Variants in MYZAP observed in about 807,000 individuals in gnomAD.
The protein encoded by MYZAP is myocardial zonula adherens protein, also known as GRINL1A complex locus upstream.
A neutral mutation model predicts 69.4 loss-of-function variants in MYZAP; 66 were observed. The ratio of observed to expected loss-of-function variants is 0.95; its 90% CI spans 0.78 to 1.17. The LOEUF (loss-of-function observed/expected upper bound fraction) is 1.17, where lower values mean the gene tolerates loss of function less well. Among genes scored for constraint, MYZAP ranks in the 50% most tolerant of loss-of-function variants. The pLI is 0.00. For synonymous variants in MYZAP, 256 were observed against 205.9 expected (o/e 1.24, Z -2.09); for missense variants, 611 against 556.2 (o/e 1.10, Z -0.99).
At chr15:57,608,793 G>A (rs1188263025) in intron 2 of MYZAP, among the ~76,000 whole-genome samples, 1 of 152,172 alleles carries the variant, frequency 6.6e-6, no homozygotes, top group Non-Finnish European at 1.5e-5. Flanking sequence ...TTATTCTCCT[G>A]CCTGAAGCTG....
At chr15:57,627,656 C>G (rs928542179) in intron 5 of MYZAP, among the ~76,000 whole-genome samples, 2 of 152,118 alleles carry the variant, frequency 1.3e-5, no homozygotes, top group Non-Finnish European at 2.9e-5. Flanking sequence ...TGGTTTGATT[C>G]CATAGAATGT....
intron 10 of MYZAP, 118 bp downstream of exon 10, chr15:57,639,663 C>T: frequency 2.7e-6 from 3 of 1,117,348 alleles, no homozygotes; most frequent in Non-Finnish European, 3.9e-6. Context: ...GGTGCTCAGG[C>T]CACTGCCATC....
intron 1 of MYZAP, among the ~76,000 whole-genome samples, chr15:57,596,500 T>C (rs2034067238): frequency 6.6e-6 from 1 of 152,164 alleles, no homozygotes; most frequent in African/African-American, 2.4e-5. Flanking sequence ...AGCAATACAG[T>C]GGTGTTTACC....
At chr15:57,622,201 A>G (rs1416598694) in intron 4 of MYZAP, among the ~76,000 whole-genome samples, 2 of 152,148 alleles carry the variant, frequency 1.3e-5, no homozygotes, top group Non-Finnish European at 2.9e-5. Flanking sequence ...AAATTAATAT[A>G]TAATATACAA....
intron 2 of MYZAP, among the ~76,000 whole-genome samples, chr15:57,606,295 C>T (rs2140341259): frequency 6.6e-6 from 1 of 152,242 alleles, no homozygotes; most frequent in East Asian, 1.9e-4. Flanking sequence ...AAGAGGTGCA[C>T]ATCACATATG....
At chr15:57,683,366 G>A (rs2039533592) in intron 12 of MYZAP, among the ~76,000 whole-genome samples, 1 of 152,170 alleles carries the variant, frequency 6.6e-6, no homozygotes. Flanking sequence ...GTGGAGAAGG[G>A]GCAGAGTAGG....
intron 10 of MYZAP, chr15:57,647,360 C>A: frequency 1.0e-6 from 1 of 985,432 alleles, no homozygotes; most frequent in Non-Finnish European, 1.2e-6. Context: ...ATTTGAGAAT[C>A]TCATCTGGAT....
intron 2 of MYZAP, among the ~76,000 whole-genome samples, chr15:57,606,664 C>G (rs978989669): frequency 2.0e-5 from 3 of 151,922 alleles, no homozygotes; most frequent in African/African-American, 4.8e-5. Flanking sequence ...ACCAGCATGG[C>G]ACATGTATAC....
chr15:57,648,761 G>A (rs2140498245), intron 10 of MYZAP, among the ~76,000 whole-genome samples: 1 of 147,864 alleles, frequency 6.8e-6, no homozygotes. Flanking sequence ...AACAAATGTT[G>A]CCATTTTGGC....
chr15:57,641,408 A>C (rs1377310064), intron 10 of MYZAP, among the ~76,000 whole-genome samples: 1 of 152,166 alleles, frequency 6.6e-6, no homozygotes, highest in Admixed American at 6.5e-5. Flanking sequence ...GTATTTATAC[A>C]TGTGTATACA....
chr15:57,669,322 A>T (rs1160669617), intron 11 of MYZAP, among the ~76,000 whole-genome samples: 1 of 152,086 alleles, frequency 6.6e-6, no homozygotes, highest in African/African-American at 2.4e-5. Flanking sequence ...TCCCCTAAGA[A>T]TTTTATGGTT....
intron 6 of MYZAP, among the ~76,000 whole-genome samples, chr15:57,631,479 G>T (rs1367966033): frequency 8.4e-6 from 1 of 119,090 alleles, no homozygotes; most frequent in South Asian, 2.8e-4. Context: ...AAAAAAAAAA[G>T]CTTCAGGAAC....
chr15:57,674,818 C>T (rs2039035905), intron 11 of MYZAP, 150 bp from the exon 12 acceptor site: 1 of 638,966 alleles, frequency 1.6e-6, no homozygotes, highest in African/African-American at 1.9e-5. Context: ...ATTTCTTCAA[C>T]AACTATTGTG....
intron 8 of MYZAP, among the ~76,000 whole-genome samples, chr15:57,635,452 A>C (rs762642502): frequency 3.9e-5 from 6 of 152,098 alleles, no homozygotes; most frequent in Non-Finnish European, 1.5e-5. Context: ...GTCTTTCCCC[A>C]CTGATTTTCA....
chr15:57,653,223 GA>G (rs1427839528), intron 10 of MYZAP, among the ~76,000 whole-genome samples: 1 of 152,148 alleles, frequency 6.6e-6, no homozygotes, highest in African/African-American at 2.4e-5. Context: ...AAAATGAAAT[GA>G]AAACATTATA....
rs771060878 is a variant in MYZAP, at chr15:57,629,851, G to C, written c.675G>C (p.Met225Ile). Residue 225 changes from methionine to isoleucine, a missense_variant, in exon 6 of 13, where the codon ATG becomes ATC. Transcript: ENST00000267853. The part of the protein sequence containing the change: ...VAQVENQLLK[M>I]KVESSQEANA... ...AAGTTGAAAACCAGCTGCTAAAAAT[G>C]AAGGTGGAGTATAAAAGCCTAGATT... is the stretch of plus-strand genomic sequence containing the variant. The C allele has an allele frequency of 1.9e-6, 3 of 1,613,240 alleles. No homozygotes were observed. The highest frequency in any genetic ancestry group is 3.3e-5 in the Admixed American group (2 of 59,742).
chr15:57,636,818 G>A (rs146305028), intron 8 of MYZAP, among the ~76,000 whole-genome samples: 1 of 152,310 alleles, frequency 6.6e-6, no homozygotes, highest in Non-Finnish European at 1.5e-5. Context: ...GTGCGCGTAT[G>A]TTTCCTATTG....
chr15:57,647,496 TA>T (rs1452232272), intron 10 of MYZAP: 2 of 985,346 alleles, frequency 2.0e-6, no homozygotes, highest in East Asian at 2.3e-4. Flanking sequence ...TGCCAAGTTT[TA>T]AAAAAGGAAA....
rs78354284 is a variant in MYZAP, at chr15:57,617,551, C to T, written c.163-482C>T. ...AACAGGTTATGTACTAACACTACCCCCTTTTCTTAGAACTTGGCCCCAGGA... is the reference window on the plus strand; with the variant it reads ...AACAGGTTATGTACTAACACTACCCTCTTTTCTTAGAACTTGGCCCCAGGA... On this transcript the variant is annotated intron_variant, in intron 2 of 12. Transcript: ENST00000267853. 1.7e-4 allele frequency among the ~76,000 whole-genome samples: 26 copies of T among 152,206 alleles called. No homozygotes were observed. The South Asian group carries it at 5.4e-3, about 32-fold the overall frequency.
Sources: gnomAD v4.1 joint callset for allele counts (sites outside exome capture counted in the v4.1 genomes callset) on GRCh38, gnomAD v4.1.1 for gene constraint, MANE v1.5 for transcripts, NCBI Gene and HGNC (gene_info 2026-07-23, HGNC 2026-07-21) for gene names.